PSMD14: variants seen among roughly 807,000 people sequenced by gnomAD.
PSMD14 encodes ubiquitin C-terminal hydrolase PSMD14.
In PSMD14, 7 loss-of-function variants were observed where a neutral mutation model predicts 41.2. The observed-to-expected ratio is 0.17, with a 90% CI of 0.10 to 0.32. The LOEUF is 0.32. PSMD14 is among the 10% of genes least tolerant of loss of function. The pLI, the probability that PSMD14 is intolerant of heterozygous loss-of-function variation, is 1.00. For synonymous variants in PSMD14, 114 were observed against 122.3 expected (o/e 0.93, Z 0.45); for missense variants, 139 against 375.6 (o/e 0.37, Z 5.21).
At chr2:161,330,010 A>G (rs570380424) in intron 3 of PSMD14, among the ~76,000 whole-genome samples, 1 of 152,332 alleles carries the variant, frequency 6.6e-6, no homozygotes, top group African/African-American at 2.4e-5. Flanking sequence ...GTTTGTTTGA[A>G]TATTTTAATT....
chr2:161,366,288 A>T (rs1375856722), intron 3 of PSMD14, among the ~76,000 whole-genome samples: 2 of 152,110 alleles, frequency 1.3e-5, no homozygotes, highest in African/African-American at 4.8e-5. Context: ...AATAAAAACA[A>T]AATTATTTTA....
chr2:161,405,017 CA>C (rs1331479667), intron 10 of PSMD14, among the ~76,000 whole-genome samples: 1 of 152,200 alleles, frequency 6.6e-6, no homozygotes. Flanking sequence ...TTTCCAGTTA[CA>C]TGTTCATTAC....
intron 3 of PSMD14, among the ~76,000 whole-genome samples, chr2:161,363,085 C>T (rs1683311606): frequency 6.6e-6 from 1 of 152,182 alleles, no homozygotes; most frequent in Admixed American, 6.5e-5. Context: ...CTGAGCTCCA[C>T]CTCCTGTCAG....
At chr2:161,337,765 G>A (rs376892941) in intron 3 of PSMD14, among the ~76,000 whole-genome samples, 2 of 152,198 alleles carry the variant, frequency 1.3e-5, no homozygotes, top group Non-Finnish European at 2.9e-5. Context: ...ATGATGTGCT[G>A]TAGCAGGAAG....
rs563209582 is a variant in PSMD14, at chr2:161,394,041, G to A, written c.646-1037G>A. 5.2e-5 allele frequency among the ~76,000 whole-genome samples: 7 copies of A among 134,968 alleles called. No individual in the cohort carries two copies. In the Admixed American group the frequency reaches 5.4e-4, roughly 10 times the overall value. The allele number at this position is 134,968 out of a possible 152,430, so 88.5% of individuals were successfully genotyped here. A position where few individuals can be genotyped will look rare whatever the true frequency, so the allele number is the denominator to read the frequency against. On this transcript the variant is annotated intron_variant, in intron 9 of 11. Transcript: ENST00000409682. ...GCTGGAGTGTAGTGGCGTGACCTCA[G>A]CTCACTGCAACCTCCGTCTCCCGGG...
chr2:161,389,787 T>G (rs1683681830), intron 8 of PSMD14, among the ~76,000 whole-genome samples: 1 of 151,884 alleles, frequency 6.6e-6, no homozygotes, highest in African/African-American at 2.4e-5. Context: ...GAACATAGGC[T>G]ATGGAATCAG....
chr2:161,318,348 A>G (rs1172250642), intron 2 of PSMD14, among the ~76,000 whole-genome samples: 1 of 152,146 alleles, frequency 6.6e-6, no homozygotes, highest in Non-Finnish European at 1.5e-5. Flanking sequence ...TGTAGTTTTG[A>G]TGGTAACTGA....
intron 3 of PSMD14, 100 bp downstream of exon 3, chr2:161,318,973 CAG>C (rs1241043421): frequency 1.2e-6 from 1 of 862,020 alleles, no homozygotes; most frequent in Non-Finnish European, 1.8e-6. Context: ...AATCACCTAA[CAG>C]ATAACTCTAT....
At chr2:161,404,312 G>C (rs1026597820) in intron 10 of PSMD14, among the ~76,000 whole-genome samples, 2 of 152,196 alleles carry the variant, frequency 1.3e-5, no homozygotes, top group Admixed American at 1.3e-4. Context: ...ATAAATGGTA[G>C]ATGCTCAATA....
At chr2:161,320,304 A>G (rs1216546130) in intron 3 of PSMD14, among the ~76,000 whole-genome samples, 2 of 152,220 alleles carry the variant, frequency 1.3e-5, no homozygotes, top group African/African-American at 4.8e-5. Context: ...CCATCTTGGA[A>G]ATCCATGCTG....
intron 10 of PSMD14, among the ~76,000 whole-genome samples, chr2:161,400,748 G>C (rs1683864270): frequency 6.6e-6 from 1 of 151,780 alleles, no homozygotes; most frequent in African/African-American, 2.4e-5. Context: ...GTTTCACTCT[G>C]TTGCCTAGGC....
intron 3 of PSMD14, among the ~76,000 whole-genome samples, chr2:161,321,516 C>A (rs997476831): frequency 6.6e-6 from 1 of 152,104 alleles, no homozygotes; most frequent in Admixed American, 6.5e-5. Flanking sequence ...ACAAACCTGG[C>A]GGTTACTGTC....
intron 10 of PSMD14, among the ~76,000 whole-genome samples, chr2:161,402,848 G>A (rs1366290771): frequency 6.6e-6 from 1 of 152,002 alleles, no homozygotes; most frequent in African/African-American, 2.4e-5. Flanking sequence ...ATCAATTATT[G>A]GTCATTAGAA....
intron 3 of PSMD14, among the ~76,000 whole-genome samples, chr2:161,329,985 AG>A (rs1682761704): frequency 6.6e-6 from 1 of 152,192 alleles, no homozygotes; most frequent in Admixed American, 6.5e-5. Flanking sequence ...GGTACATGAT[AG>A]TTAACCTGTG....
rs1174540437 is a variant in PSMD14 at position 161,371,205 on chromosome 2, C to T, written c.345C>T (p.His115=). ...PEMVVGWYHS[H]PGFGCWLSGV... ...TGGTTGTTGGTTGGTATCACAGTCA[C>T]CCTGGCTTTGGTTGTTGGCTTTCTG... The change falls in exon 7 of 12, where the codon CAC becomes CAT. Residue 115 remains histidine (H), a synonymous_variant. Coordinates refer to ENST00000409682, the MANE Select transcript of PSMD14 (RefSeq NM_005805.6). 3.1e-6 allele frequency: 5 copies of T among 1,612,774 alleles called. No individual in the cohort carries two copies. Among genetic ancestry groups the T allele is most frequent in the Non-Finnish European group, 3.4e-6 (4 of 1,179,310 alleles).
chr2:161,347,442 A>T (rs915132588), intron 3 of PSMD14, among the ~76,000 whole-genome samples: 1 of 152,002 alleles, frequency 6.6e-6, no homozygotes. Flanking sequence ...ACTGCACCTT[A>T]TTTACTTTTT....
chr2:161,406,503 A>G (rs1322201369), intron 10 of PSMD14, among the ~76,000 whole-genome samples: 2 of 152,176 alleles, frequency 1.3e-5, no homozygotes, highest in East Asian at 1.9e-4. Flanking sequence ...TTCTGCTGCA[A>G]TCATTTCTTA....
At chr2:161,322,134 G>A (rs1682616877) in intron 3 of PSMD14, among the ~76,000 whole-genome samples, 1 of 152,058 alleles carries the variant, frequency 6.6e-6, no homozygotes, top group South Asian at 2.1e-4. Flanking sequence ...AAACTCCAAG[G>A]GTTTTTGAGG....
chr2:161,385,234 T>C (rs1337905013), intron 7 of PSMD14: 1 of 315,764 alleles, frequency 3.2e-6, no homozygotes, highest in African/African-American at 2.1e-5. Flanking sequence ...ATTTTTTTCT[T>C]TACTGCTTCA....
Sources: gnomAD v4.1 joint callset for allele counts (sites outside exome capture counted in the v4.1 genomes callset) on GRCh38, gnomAD v4.1.1 for gene constraint, MANE v1.5 for transcripts, NCBI Gene and HGNC (gene_info 2026-07-23, HGNC 2026-07-21) for gene names.